Variants in AMMECR1 observed in about 807,000 individuals in gnomAD.
AMMECR1 encodes the protein nuclear protein AMMECR1.
A neutral mutation model predicts 22.5 loss-of-function variants in AMMECR1; 3 were observed. That is an observed-to-expected ratio of 0.13 (90% CI 0.06 to 0.35). The LOEUF is 0.35. AMMECR1 is among the 10% of genes least tolerant of loss of function. AMMECR1 has a pLI of 1.00. For synonymous variants in AMMECR1, 130 were observed against 116.7 expected (o/e 1.11, Z -0.74); for missense variants, 235 against 278.7 (o/e 0.84, Z 1.12).
At chrX:110,306,022 C>T (rs1325442973) in intron 1 of AMMECR1, among the ~76,000 whole-genome samples, 1 of 110,229 alleles carries the variant, frequency 9.1e-6, no homozygotes, top group African/African-American at 3.3e-5. Flanking sequence ...TGGCTCACGC[C>T]TGTAATCCCA....
chrX:110,421,001 C>A (rs1287163404), intron 2 of AMMECR1, among the ~76,000 whole-genome samples: 1 of 111,627 alleles, frequency 9.0e-6, no homozygotes, highest in African/African-American at 3.3e-5. Flanking sequence ...AGCGAGAGAG[C>A]TGCAAGCCTG....
At chrX:110,221,120 G>A (rs2067497912) in intron 2 of AMMECR1, among the ~76,000 whole-genome samples, 1 of 112,262 alleles carries the variant, frequency 8.9e-6, no homozygotes, top group African/African-American at 3.2e-5. Context: ...TTCAGGACAA[G>A]GAAGTAATTA....
chrX:110,239,207 T>C (rs1232752070), intron 2 of AMMECR1, among the ~76,000 whole-genome samples: 3 of 111,101 alleles, frequency 2.7e-5, no homozygotes, highest in Non-Finnish European at 3.8e-5. Flanking sequence ...ATTTGATAAA[T>C]TGACAGAAGT....
intron 2 of AMMECR1, among the ~76,000 whole-genome samples, chrX:110,330,250 G>A (rs772209264): frequency 9.0e-6 from 1 of 111,506 alleles, no homozygotes; most frequent in Non-Finnish European, 1.9e-5. Flanking sequence ...CAAAAAAAAC[G>A]ACTTTCAGGT....
intron 1 of AMMECR1, among the ~76,000 whole-genome samples, chrX:110,291,298 A>G (rs974694749): frequency 1.8e-5 from 2 of 111,107 alleles, no homozygotes; most frequent in Non-Finnish European, 3.8e-5. Flanking sequence ...TGAGGTGGGC[A>G]GATCACTTGG....
chrX:110,287,813 A>G (rs1338327527), intron 1 of AMMECR1, among the ~76,000 whole-genome samples: 1 of 112,096 alleles, frequency 8.9e-6, no homozygotes, highest in Non-Finnish European at 1.9e-5. Flanking sequence ...TAGACAGTGT[A>G]CAAGGCCATC....
chrX:110,301,991 T>C (rs1285040413), intron 1 of AMMECR1, among the ~76,000 whole-genome samples: 1 of 111,831 alleles, frequency 8.9e-6, no homozygotes. Flanking sequence ...GGGAATGGAA[T>C]CATAGAGTAA....
In AMMECR1 at chrX:110,225,476, C is replaced by G. The variant is rs772429796; in HGVS notation, c.585-8844G>C. Among the ~76,000 whole-genome samples the G allele has an allele frequency of 1.9e-3, 218 of 112,042 alleles. 2 individuals carry two copies. The highest frequency in any genetic ancestry group is 6.9e-3 in the African/African-American group (213 of 30,870). On this transcript the variant is annotated intron_variant, in intron 2 of 5. Transcript: ENST00000262844. ...TATCTAGCTTTAACTGACCTACACA[C>G]AATAGTCAAACAGCTTAAGAAGATT...
At chrX:110,406,409 A>C (rs1189112057) in intron 2 of AMMECR1, among the ~76,000 whole-genome samples, 2 of 111,656 alleles carry the variant, frequency 1.8e-5, no homozygotes, top group African/African-American at 6.5e-5. Flanking sequence ...TTCCAGCTTC[A>C]TCCATGTCCC....
Position 110,273,410 on chromosome X carries a change from A to C in AMMECR1, c.474-8811T>G, listed in dbSNP as rs148714312. On this transcript the variant is annotated intron_variant, in intron 1 of 5. Transcript: ENST00000262844. ...ATACTGGATGTTAGTCCTTTGTCAG[A>C]AGCATAATTTGCAAATGTTTTCTCC... Among the ~76,000 whole-genome samples, 728 of 111,875 alleles carry C rather than the reference A, an allele frequency of 6.5e-3. 5 individuals are homozygous for C. The highest frequency in any genetic ancestry group is 9.5e-3 in the Non-Finnish European group (505 of 53,140).
rs2067440189 is a variant in AMMECR1, at chrX:110,210,090, T to C, written c.699+6428A>G. On this transcript the variant is annotated intron_variant, in intron 3 of 5. Transcript: ENST00000262844. The stretch of plus-strand genomic sequence containing the variant: ...TTTTGCTAAGAGAACCAACAGCTAA[T>C]GGAAATTTGTATGCATTAAATCACC... Among the ~76,000 whole-genome samples the C allele has an allele frequency of 2.7e-5, 3 of 110,448 alleles. No individual in the cohort carries two copies. In the South Asian group the frequency reaches 1.2e-3, roughly 43 times the overall value.
intron 2 of AMMECR1, among the ~76,000 whole-genome samples, chrX:110,345,517 T>A (rs970149888): frequency 3.7e-5 from 4 of 107,891 alleles, no homozygotes; most frequent in Admixed American, 3.0e-4. Context: ...TATATATATA[T>A]AAAAAGAAAA....
chrX:110,285,306 CT>C (rs2067873497), intron 1 of AMMECR1, among the ~76,000 whole-genome samples: 1 of 112,286 alleles, frequency 8.9e-6, no homozygotes, highest in African/African-American at 3.2e-5. Context: ...ATTTTACACA[CT>C]TAATTCTCAC....
chrX:110,378,307 C>G (rs1245652961), intron 2 of AMMECR1, among the ~76,000 whole-genome samples: 2 of 111,071 alleles, frequency 1.8e-5, no homozygotes, highest in Non-Finnish European at 3.8e-5. Flanking sequence ...CACTCCATCC[C>G]TTGGGGCAGT....
intron 2 of AMMECR1, among the ~76,000 whole-genome samples, chrX:110,376,009 G>A (rs1486100775): frequency 9.0e-6 from 1 of 111,318 alleles, no homozygotes; most frequent in African/African-American, 3.3e-5. Context: ...CTTCAAAGAA[G>A]GTAGTCACAT....
intron 3 of AMMECR1, among the ~76,000 whole-genome samples, chrX:110,210,813 G>A (rs1436078222): frequency 8.9e-6 from 1 of 112,011 alleles, no homozygotes; most frequent in Admixed American, 9.5e-5. Flanking sequence ...GGAGTCCAAC[G>A]AGGCTCAAAT....
chrX:110,421,798 C>G (rs1258732187), intron 2 of AMMECR1, among the ~76,000 whole-genome samples: 1 of 112,689 alleles, frequency 8.9e-6, no homozygotes, highest in African/African-American at 3.2e-5. Flanking sequence ...TGGTCCCGGT[C>G]CTTGCCAAAC....
In AMMECR1 at chrX:110,202,503, T is replaced by C; in HGVS notation, c.733A>G (p.Asn245Asp). ...GCGGTGCGTTTTGATCCTTTTTCAT[T>C]GATGAATTCTATTCTAATGCCATGT... Reference protein sequence around the residue: ...GVHGIRIEFINEKGSKRTATY... With the variant: ...GVHGIRIEFIDEKGSKRTATY... The change falls in exon 4 of 6, where the codon AAT (asparagine) becomes GAT (aspartate). Residue 245 changes from asparagine to aspartate, a missense_variant. Transcript: ENST00000262844. 1.7e-6 allele frequency: 2 copies of C among 1,208,770 alleles called. No individual in the cohort carries two copies. Among genetic ancestry groups the C allele is most frequent in the Non-Finnish European group, 2.2e-6 (2 of 893,024 alleles).
At chrX:110,418,059 G>T (rs2068690363) in intron 2 of AMMECR1, among the ~76,000 whole-genome samples, 1 of 112,484 alleles carries the variant, frequency 8.9e-6, no homozygotes, top group South Asian at 3.7e-4. Flanking sequence ...TGGTAGAGTT[G>T]GGAGAGAGGG....
Sources: allele counts gnomAD v4.1 joint callset (sites outside exome capture counted in the v4.1 genomes callset), GRCh38; gene constraint gnomAD v4.1.1; transcripts MANE v1.5; gene names NCBI Gene and HGNC (gene_info 2026-07-23, HGNC 2026-07-21).